ZNF407: variants seen among roughly 807,000 people sequenced by gnomAD.
The protein encoded by ZNF407 is zinc finger protein 407.
ZNF407 carries 17 observed loss-of-function variants against 131.2 expected under a neutral mutation model. The ratio of observed to expected loss-of-function variants is 0.13; its 90% confidence interval spans 0.09 to 0.19. ZNF407 has a LOEUF of 0.19. Ranked by LOEUF, ZNF407 falls within the 10% of genes least tolerant of loss-of-function variation. The probability of loss-of-function intolerance (pLI) is 1.00; values close to 1 mark genes in which losing one functional copy is unlikely to be tolerated. For missense variants in ZNF407, 2,681 were observed against 2,830.6 expected, an observed-to-expected ratio of 0.95 and a Z score of 1.20; for synonymous variants, 1,156 against 1,062.0, an observed-to-expected ratio of 1.09 and a Z score of -1.72.
intron 8 of ZNF407, among the ~76,000 whole-genome samples, chr18:74,986,326 G>A (rs868540045): frequency 6.6e-6 from 1 of 151,716 alleles, no homozygotes; most frequent in African/African-American, 2.4e-5. Context: ...CTTTAACTAC[G>A]TCATGTACTC....
At chr18:74,726,585 A>G (rs1968164133) in intron 3 of ZNF407, among the ~76,000 whole-genome samples, 1 of 152,208 alleles carries the variant, frequency 6.6e-6, no homozygotes, top group Non-Finnish European at 1.5e-5. Flanking sequence ...AATTTCATTA[A>G]CATGCCTTGT....
intron 8 of ZNF407, among the ~76,000 whole-genome samples, chr18:75,049,099 G>GGT (rs1444142899): frequency 2.4e-4 from 11 of 46,768 alleles, no homozygotes; most frequent in African/African-American, 8.6e-4. Flanking sequence ...TTTTTTTTTT[G>GGT]GGTGGGGGGG....
intron 8 of ZNF407, among the ~76,000 whole-genome samples, chr18:74,945,426 C>T (rs1395645081): frequency 6.6e-6 from 1 of 152,116 alleles, no homozygotes; most frequent in African/African-American, 2.4e-5. Context: ...GCAGACAGCT[C>T]GCCCATTTTA....
intron 4 of ZNF407, among the ~76,000 whole-genome samples, chr18:74,788,716 A>G (rs1969768808): frequency 6.6e-6 from 1 of 150,576 alleles, no homozygotes; most frequent in South Asian, 2.1e-4. Context: ...CACAGAAAAT[A>G]GATTTTGTTT....
intron 3 of ZNF407, among the ~76,000 whole-genome samples, chr18:74,676,704 G>A (rs1986405350): frequency 1.3e-5 from 2 of 152,090 alleles, no homozygotes; most frequent in Admixed American, 1.3e-4. Flanking sequence ...AGAATGCTGG[G>A]ATTACAGACG....
rs778724469 is a variant in ZNF407, at chr18:75,065,589, A to G, written c.*1121A>G. The G allele has an allele frequency of 4.6e-5, 7 of 152,246 alleles. No homozygotes were observed. The highest frequency in any genetic ancestry group is 8.8e-5 in the Non-Finnish European group (6 of 68,046). 9.4% of individuals were successfully genotyped at this position (152,246 alleles called of 1,614,324 possible). A position where few individuals can be genotyped will look rare whatever the true frequency, so the allele number is the denominator to read the frequency against. ...TGTTCTTATTCTTTTCCAAAACTGT[A>G]AAATAATCTCCTCCCTCAAATGCAA... On this transcript the variant is annotated 3_prime_UTR_variant, in exon 9 of 9. Transcript: ENST00000299687.
intron 8 of ZNF407, among the ~76,000 whole-genome samples, chr18:74,927,210 A>G (rs188053247): frequency 6.6e-6 from 1 of 152,306 alleles, no homozygotes; most frequent in Non-Finnish European, 1.5e-5. Flanking sequence ...TGTCTTCAAG[A>G]GGTTATGTTG....
intron 4 of ZNF407, among the ~76,000 whole-genome samples, chr18:74,873,669 C>T (rs1241759721): frequency 6.6e-6 from 1 of 151,796 alleles, no homozygotes; most frequent in African/African-American, 2.4e-5. Context: ...AGTGATCATA[C>T]CACTGCTCTC....
At chr18:74,709,027 T>C (rs1967694536) in intron 3 of ZNF407, among the ~76,000 whole-genome samples, 2 of 152,206 alleles carry the variant, frequency 1.3e-5, no homozygotes, top group African/African-American at 4.8e-5. Context: ...GGCAACAGAA[T>C]TTTTGATCCT....
chr18:74,629,506 C>T (rs185127965), intron 1 of ZNF407, among the ~76,000 whole-genome samples: 49 of 152,254 alleles, frequency 3.2e-4, no homozygotes, highest in East Asian at 1.3e-3. Context: ...TTTTCACTTT[C>T]TTGATAGTGG....
At chr18:74,890,254 C>T (rs113725959) in intron 7 of ZNF407, among the ~76,000 whole-genome samples, 1,736 of 152,232 alleles carry the variant, frequency 0.011, 25 homozygotes, top group African/African-American at 0.039. Flanking sequence ...AGAAATGAGT[C>T]GTGTATCCCC....
At chr18:74,866,301 G>A (rs938780350) in intron 4 of ZNF407, among the ~76,000 whole-genome samples, 4 of 152,178 alleles carry the variant, frequency 2.6e-5, no homozygotes, top group Admixed American at 6.5e-5. Flanking sequence ...CTCTGAAAGG[G>A]TCAATTTTGT....
At chr18:74,886,219 C>T (rs1329611326) in intron 6 of ZNF407, among the ~76,000 whole-genome samples, 5 of 152,124 alleles carry the variant, frequency 3.3e-5, no homozygotes, top group Admixed American at 6.5e-5. Flanking sequence ...GAAAGATCCT[C>T]GGCACCCTCG....
intron 3 of ZNF407, among the ~76,000 whole-genome samples, chr18:74,683,726 G>A (rs1967037364): frequency 6.6e-6 from 1 of 152,148 alleles, no homozygotes; most frequent in Non-Finnish European, 1.5e-5. Context: ...GATCCTTATT[G>A]TCTTTGTATA....
At chr18:74,660,995 T>C (rs1985689077) in intron 3 of ZNF407, among the ~76,000 whole-genome samples, 1 of 152,216 alleles carries the variant, frequency 6.6e-6, no homozygotes, top group African/African-American at 2.4e-5. Flanking sequence ...TATTATCTAT[T>C]AAAAGCGGAT....
intron 4 of ZNF407, among the ~76,000 whole-genome samples, chr18:74,867,901 G>A (rs1425371089): frequency 6.6e-6 from 1 of 152,072 alleles, no homozygotes; most frequent in Non-Finnish European, 1.5e-5. Context: ...CCATTAATAT[G>A]CCAGTTTAGT....
Position 74,640,953 on chromosome 18 carries a change from C to T in ZNF407, c.4688-55C>T. ...TTAAGATTTAGTCCTCTTTTCTAAG[C>T]TATTGGTGATGTATTATTCAAAATC... On this transcript the variant is annotated intron_variant, in intron 2 of 8. Transcript: ENST00000299687. 3 of 1,292,576 alleles carry T rather than the reference C, an allele frequency of 2.3e-6. 1 individual carries two copies. In the South Asian group the frequency reaches 3.6e-5, roughly 15 times the overall value. 80.1% of individuals were successfully genotyped at this position (1,292,576 alleles called of 1,614,324 possible).
intron 5 of ZNF407, among the ~76,000 whole-genome samples, chr18:74,879,412 C>G (rs535752628): frequency 6.6e-6 from 1 of 151,990 alleles, no homozygotes; most frequent in Non-Finnish European, 1.5e-5. Context: ...CCCACGGACC[C>G]GCAACGAGGA....
At chr18:74,723,746 C>T (rs1449949580) in intron 3 of ZNF407, among the ~76,000 whole-genome samples, 1 of 152,164 alleles carries the variant, frequency 6.6e-6, no homozygotes, top group Non-Finnish European at 1.5e-5. Context: ...TTCTCTCAGA[C>T]AGTTCCAACT....
Sources: gnomAD v4.1 joint callset for allele counts (sites outside exome capture counted in the v4.1 genomes callset) on GRCh38, gnomAD v4.1.1 for gene constraint, MANE v1.5 for transcripts, NCBI Gene and HGNC (gene_info 2026-07-23, HGNC 2026-07-21) for gene names.